The following ZFHX3 variants were observed in gnomAD, a reference collection of about 807,000 sequenced individuals.
ZFHX3 encodes zinc finger homeobox 3, also known as zinc finger homeobox protein 3.
In ZFHX3, 42 loss-of-function variants were observed where a neutral mutation model predicts 279.1. The observed-to-expected ratio is 0.15, with a 90% confidence interval of 0.12 to 0.19. The LOEUF is 0.19. Among genes scored for constraint, ZFHX3 ranks in the 10% least tolerant of loss-of-function variants. ZFHX3 has a pLI of 1.00. For synonymous variants in ZFHX3, 2,293 were observed against 1,957.8 expected (o/e 1.17, Z -4.52); for missense variants, 4,981 against 4,754.0 (o/e 1.05, Z -1.40).
chr16:73,866,764 A>G (rs1962033106), intron 1 of ZFHX3, among the ~76,000 whole-genome samples: 1 of 152,206 alleles, frequency 6.6e-6, no homozygotes. Context: ...GGAGGTAAAC[A>G]CAGGAAGGAC....
chr16:72,821,311 C>T (rs1033059740), intron 5 of ZFHX3, among the ~76,000 whole-genome samples: 1 of 152,200 alleles, frequency 6.6e-6, no homozygotes, highest in Non-Finnish European at 1.5e-5. Context: ...TCTCCACTTT[C>T]CCCTCCAGAT....
intron 2 of ZFHX3, among the ~76,000 whole-genome samples, chr16:73,525,929 C>T (rs2143716419): frequency 6.6e-6 from 1 of 152,286 alleles, no homozygotes; most frequent in African/African-American, 2.4e-5. Context: ...ACGATTTACC[C>T]CAAGCTTCTG....
intron 4 of ZFHX3, among the ~76,000 whole-genome samples, chr16:72,846,329 C>T (rs181050620): frequency 2.6e-5 from 4 of 152,322 alleles, no homozygotes; most frequent in East Asian, 3.9e-4. Context: ...AGGCATGGCA[C>T]GTGCAAAGAC....
At chr16:72,908,898 A>T (rs58787874) in intron 3 of ZFHX3, among the ~76,000 whole-genome samples, 2,058 of 152,328 alleles carry the variant, frequency 0.014, 35 homozygotes, top group African/African-American at 0.043. Context: ...TTGAGAAAGC[A>T]TTCAGATTTT....
Position 72,798,132 on chromosome 16 carries a change from G to A in ZFHX3, c.4550C>T (p.Ser1517Leu), listed in dbSNP as rs144091993. The A allele has an allele frequency of 2.0e-4, 315 of 1,614,186 alleles. No individual in the cohort carries two copies. The highest frequency in any genetic ancestry group is 1.7e-3 in the South Asian group (151 of 91,078). ...CAGAGCTCTCTTTGGCTCTGAGCCC[G>A]AGTCTTCTTGTACTGACCCAGAGTC... is the stretch of plus-strand genomic sequence containing the variant. ...GSDSGSVQED[S>L]GSEPKRALPF... Residue 1517 changes from serine to leucine, a missense_variant, in exon 9 of 10, where the codon TCG becomes TTG. Around this residue, in one of 7 missense-constraint regions of ZFHX3, gnomAD observed 1,751 missense variants for 1,770.0 expected, o/e 0.99. Transcript: ENST00000268489.
At chr16:72,951,130 A>C (rs1401539465) in intron 2 of ZFHX3, among the ~76,000 whole-genome samples, 165 bp from the exon 3 acceptor site, 1 of 152,052 alleles carries the variant, frequency 6.6e-6, no homozygotes, top group Non-Finnish European at 1.5e-5. Flanking sequence ...CAAACAAACA[A>C]ACACAGTCAA....
At chr16:73,139,082 C>T (rs76620079) in intron 6 of ZFHX3, among the ~76,000 whole-genome samples, 3,454 of 152,264 alleles carry the variant, frequency 0.023, 118 homozygotes, top group African/African-American at 0.078. Context: ...TTCCGCCTTA[C>T]AGAAATTTAT....
At chr16:73,639,400 AGAATCTCTAAACCAT>A (rs2052554565) in intron 2 of ZFHX3, among the ~76,000 whole-genome samples, 1 of 152,222 alleles carries the variant, frequency 6.6e-6, no homozygotes, top group African/African-American at 2.4e-5. Flanking sequence ...TTCCAAACCA[AGAATCTCTAAACCAT>A]GGGTTTACAG....
At chr16:73,834,884 G>A (rs1006843872) in intron 1 of ZFHX3, among the ~76,000 whole-genome samples, 4 of 147,058 alleles carry the variant, frequency 2.7e-5, no homozygotes, top group Non-Finnish European at 4.5e-5. Context: ...ACGAGACTTC[G>A]TCTCAAAAAA....
In ZFHX3 at chr16:73,199,625, C is replaced by T. The variant is rs148913407; in HGVS notation, c.-1103-55794G>A. ...TTACACAAGTCCTTACAGCCCTTAG[C>T]GATTCTTAACACCTCAAGGTAAGAT... On this transcript the variant is annotated intron_variant, in intron 5 of 17. Transcript: ENST00000641206. Among the ~76,000 whole-genome samples, 535 of 152,338 alleles carry T rather than the reference C, an allele frequency of 3.5e-3. 3 individuals carry two copies. The highest frequency in any genetic ancestry group is 0.01 in the Middle Eastern group (3 of 294).
intron 3 of ZFHX3, among the ~76,000 whole-genome samples, chr16:73,367,670 G>A (rs2016553691): frequency 6.6e-6 from 1 of 152,154 alleles, no homozygotes; most frequent in Admixed American, 6.5e-5. Context: ...AGCCCACCTT[G>A]GGCTTGAATA....
chr16:72,804,183 CAAGCTT>C (rs1283889267), intron 7 of ZFHX3, among the ~76,000 whole-genome samples: 1 of 152,208 alleles, frequency 6.6e-6, no homozygotes, highest in Non-Finnish European at 1.5e-5. Flanking sequence ...TAAAAATGTT[CAAGCTT>C]AAGCACTTCC....
intron 3 of ZFHX3, among the ~76,000 whole-genome samples, chr16:73,406,557 G>T (rs566645316): frequency 6.6e-6 from 1 of 152,132 alleles, no homozygotes; most frequent in Admixed American, 6.5e-5. Context: ...TCAACAATTC[G>T]TATGGAATGC....
intron 5 of ZFHX3, among the ~76,000 whole-genome samples, chr16:72,817,972 T>C (rs2036661755): frequency 6.6e-6 from 1 of 152,230 alleles, no homozygotes; most frequent in East Asian, 1.9e-4. Context: ...TATTAATTCA[T>C]GCTACTTTCC....
intron 1 of ZFHX3, among the ~76,000 whole-genome samples, chr16:73,708,041 T>C (rs561840318): frequency 6.0e-5 from 9 of 150,764 alleles, no homozygotes; most frequent in Non-Finnish European, 1.2e-4. Context: ...CCTGTGGTTT[T>C]TGTGGTACAT....
At chr16:73,138,518 G>A in intron 6 of ZFHX3, among the ~76,000 whole-genome samples, 1 of 152,062 alleles carries the variant, frequency 6.6e-6, no homozygotes, top group East Asian at 1.9e-4. Context: ...ACAAACATCT[G>A]GTTCCAGAAT....
intron 8 of ZFHX3, among the ~76,000 whole-genome samples, chr16:73,071,095 C>T (rs1316797112): frequency 7.3e-6 from 1 of 136,078 alleles, no homozygotes; most frequent in Admixed American, 7.8e-5. Context: ...AACACCTTTC[C>T]TCTTTCTCTC....
intron 3 of ZFHX3, among the ~76,000 whole-genome samples, chr16:73,377,760 G>A (rs1228760894): frequency 6.6e-6 from 1 of 151,106 alleles, no homozygotes; most frequent in African/African-American, 2.4e-5. Context: ...CAGGCCAGGC[G>A]CGGTGGCTCA....
At chr16:73,202,821 C>T (rs1220099641) in intron 5 of ZFHX3, among the ~76,000 whole-genome samples, 1 of 152,100 alleles carries the variant, frequency 6.6e-6, no homozygotes, top group East Asian at 1.9e-4. Flanking sequence ...ATGACCATCC[C>T]ACCCACCTTA....
Sources: allele counts gnomAD v4.1 joint callset (sites outside exome capture counted in the v4.1 genomes callset), GRCh38; gene constraint gnomAD v4.1.1; regional missense constraint gnomAD v4.1.1; transcripts MANE v1.5; gene names NCBI Gene and HGNC (gene_info 2026-07-23, HGNC 2026-07-21).